COL4A5: variants seen among roughly 807,000 people sequenced by gnomAD.
The protein encoded by COL4A5 is collagen type IV alpha 5 chain.
Under a neutral mutation model 130.2 loss-of-function variants are expected in COL4A5, and 26 were observed. That is an observed-to-expected ratio of 0.20 (90% CI 0.15 to 0.28). The LOEUF is 0.28. COL4A5 is among the 10% of genes least tolerant of loss of function. The pLI is 1.00. For missense variants in COL4A5, 1,131 were observed against 1,344.3 expected, an observed-to-expected ratio of 0.84 and a Z score of 2.48; for synonymous variants, 496 against 439.6, an observed-to-expected ratio of 1.13 and a Z score of -1.60.
chrX:108,543,566 GCT>G (rs1489179281), intron 2 of COL4A5, among the ~76,000 whole-genome samples: 1 of 111,218 alleles, frequency 9.0e-6, no homozygotes, highest in Non-Finnish European at 1.9e-5. Flanking sequence ...TGTTCTTTTG[GCT>G]TAGGACTGAC....
intron 36 of COL4A5, among the ~76,000 whole-genome samples, chrX:108,644,539 C>T (rs1372169410): frequency 1.8e-5 from 2 of 111,787 alleles, no homozygotes; most frequent in African/African-American, 6.5e-5. Context: ...CAAGCACTCT[C>T]AGACCACAGT....
At chrX:108,496,000 C>T (rs1440432403) in intron 1 of COL4A5, among the ~76,000 whole-genome samples, 1 of 112,200 alleles carries the variant, frequency 8.9e-6, no homozygotes, top group Admixed American at 9.4e-5. Context: ...TTACATCGGA[C>T]CCCTTCTACC....
At chrX:108,664,711 A>G (rs918099212) in intron 37 of COL4A5, among the ~76,000 whole-genome samples, 36 of 112,553 alleles carry the variant, frequency 3.2e-4, no homozygotes, top group African/African-American at 1.0e-3. Context: ...TAACTCAATA[A>G]TAACAAGATG....
intron 1 of COL4A5, among the ~76,000 whole-genome samples, chrX:108,512,800 C>T (rs2065190478): frequency 9.0e-6 from 1 of 111,450 alleles, no homozygotes; most frequent in African/African-American, 3.3e-5. Context: ...TTTCGGGCAC[C>T]ATTGTCATTG....
intron 13 of COL4A5, among the ~76,000 whole-genome samples, chrX:108,578,680 AT>A (rs746538984): frequency 2.6e-3 from 260 of 98,530 alleles, no homozygotes; most frequent in South Asian, 7.1e-3. Context: ...GAGATTATTA[AT>A]TTTTTTTTTT....
At chrX:108,591,913 C>G (rs1301641431) in intron 21 of COL4A5, among the ~76,000 whole-genome samples, 1 of 111,496 alleles carries the variant, frequency 9.0e-6, no homozygotes, top group East Asian at 2.8e-4. Flanking sequence ...TTGACTAATG[C>G]TTAACTTTTT....
At chrX:108,683,712 T>C (rs2068485362) in intron 47 of COL4A5, among the ~76,000 whole-genome samples, 1 of 111,726 alleles carries the variant, frequency 9.0e-6, no homozygotes, top group African/African-American at 3.3e-5. Context: ...TATTGGTGTA[T>C]AGGAATGCTT....
Position 108,580,600 on chromosome X carries a change from G to A in COL4A5, c.834+14G>A, listed in dbSNP as rs759895349. 3.2e-5 allele frequency: 39 copies of A among 1,204,577 alleles called. No homozygotes were observed. The East Asian group carries it at 9.5e-4, about 29-fold the overall frequency. On this transcript the variant is annotated intron_variant, in intron 14 of 52. Transcript: ENST00000328300. ...CGTGGTCCTCCAGTAAGTACCTAAA[G>A]TGCTTTAGCATCATTTAATGTAAAT...
intron 1 of COL4A5, among the ~76,000 whole-genome samples, chrX:108,529,370 A>G (rs1395839727): frequency 8.9e-6 from 1 of 111,733 alleles, no homozygotes; most frequent in Admixed American, 9.5e-5. Flanking sequence ...AAAGAACATG[A>G]AAGTATAAAA....
At chrX:108,582,788 C>T (rs2066272142) in intron 16 of COL4A5, 96 bp from the exon 17 acceptor site, 3 of 660,918 alleles carry the variant, frequency 4.5e-6, no homozygotes, top group Non-Finnish European at 4.9e-6. Flanking sequence ...ACCATTTTTG[C>T]CAGTATTCTC....
At position 108,440,156 on chromosome X, in the gene COL4A5, G is replaced by T. The variant is rs370313574; in HGVS notation, c.31G>T (p.Gly11Cys). 8.3e-7 allele frequency: 1 copy of T among 1,209,427 alleles called. No homozygotes were observed. Among genetic ancestry groups the T allele is most frequent in the East Asian group, 3.0e-5 (1 of 33,758 alleles). Residue 11 changes from glycine to cysteine, a missense_variant, in exon 1 of 53, where the codon GGC becomes TGC. Gly to Cys is a radical substitution (Grantham distance 159). Transcript: ENST00000328300. MKLRGVSLAA[G>C]LFLLALSLWG... ...ACTGCGTGGAGTCAGCCTGGCTGCC[G>T]GCTTGTTCTTACTGGCCCTGAGTCT...
At chrX:108,641,817 G>A (rs1480780061) in intron 36 of COL4A5, among the ~76,000 whole-genome samples, 1 of 112,000 alleles carries the variant, frequency 8.9e-6, no homozygotes, top group Non-Finnish European at 1.9e-5. Flanking sequence ...AGGAGTGGAG[G>A]AAAGCACCAC....
At chrX:108,519,454 T>C (rs2065247593) in intron 1 of COL4A5, among the ~76,000 whole-genome samples, 1 of 111,137 alleles carries the variant, frequency 9.0e-6, no homozygotes. Context: ...AGGGCAAAAG[T>C]TGCAAATAAT....
At chrX:108,582,656 T>C (rs1294153042) in intron 16 of COL4A5, 1 of 396,104 alleles carries the variant, frequency 2.5e-6, no homozygotes, top group African/African-American at 2.6e-5. Flanking sequence ...TAGAGCAAGT[T>C]AAAATGCCAC....
chrX:108,498,953 G>T (rs763934397), intron 1 of COL4A5, among the ~76,000 whole-genome samples: 1 of 111,115 alleles, frequency 9.0e-6, no homozygotes. Context: ...TCAAATAAGA[G>T]ATGATTTTGC....
chrX:108,579,770 C>T (rs2066211200), intron 13 of COL4A5, among the ~76,000 whole-genome samples: 1 of 111,780 alleles, frequency 8.9e-6, no homozygotes, highest in East Asian at 2.8e-4. Flanking sequence ...TGAATTTGGC[C>T]ATTTAATTAT....
At chrX:108,442,443 A>G (rs1603242340) in intron 1 of COL4A5, among the ~76,000 whole-genome samples, 1 of 111,830 alleles carries the variant, frequency 8.9e-6, no homozygotes, top group Non-Finnish European at 1.9e-5. Context: ...TAAGTTGGAA[A>G]TATAATTTTT....
intron 1 of COL4A5, among the ~76,000 whole-genome samples, chrX:108,482,634 C>G (rs1317924131): frequency 8.9e-6 from 1 of 111,817 alleles, no homozygotes; most frequent in Non-Finnish European, 1.9e-5. Flanking sequence ...CTCACTTTAA[C>G]AGTAGCCACC....
intron 30 of COL4A5, among the ~76,000 whole-genome samples, chrX:108,616,450 G>A (rs1387964847): frequency 2.7e-5 from 3 of 110,756 alleles, no homozygotes; most frequent in African/African-American, 9.9e-5. Flanking sequence ...TGACCAGGCT[G>A]GTCTCGAACT....
Sources: gnomAD v4.1 joint callset for allele counts (sites outside exome capture counted in the v4.1 genomes callset) on GRCh38, gnomAD v4.1.1 for gene constraint, MANE v1.5 for transcripts, NCBI Gene and HGNC (gene_info 2026-07-23, HGNC 2026-07-21) for gene names.